COL4A5: variants seen among roughly 807,000 people sequenced by gnomAD.
COL4A5 encodes collagen alpha-5(IV) chain.
Under a neutral mutation model 130.2 loss-of-function variants are expected in COL4A5, and 26 were observed. The ratio of observed to expected loss-of-function variants is 0.20; its 90% CI spans 0.15 to 0.28. The LOEUF (loss-of-function observed/expected upper bound fraction) is 0.28, where lower values mean the gene tolerates loss of function less well. Ranked by LOEUF, COL4A5 falls within the 10% of genes least tolerant of loss-of-function variation. COL4A5 has a pLI of 1.00. For synonymous variants in COL4A5, 496 were observed against 439.6 expected, an observed-to-expected ratio of 1.13 and a Z score of -1.60; for missense variants, 1,131 against 1,344.3, an observed-to-expected ratio of 0.84 and a Z score of 2.48.
At chrX:108,508,731 G>A (rs2065151908) in intron 1 of COL4A5, among the ~76,000 whole-genome samples, 1 of 110,607 alleles carries the variant, frequency 9.0e-6, no homozygotes, top group African/African-American at 3.3e-5. Context: ...TAGACCAATG[G>A]AACATAATAG....
At chrX:108,458,347 G>T (rs1334993331) in intron 1 of COL4A5, among the ~76,000 whole-genome samples, 1 of 111,262 alleles carries the variant, frequency 9.0e-6, no homozygotes, top group Non-Finnish European at 1.9e-5. Flanking sequence ...TTGTTTTGTA[G>T]GTCTGTTTTG....
chrX:108,477,563 C>T (rs986429142), intron 1 of COL4A5, among the ~76,000 whole-genome samples: 1 of 110,824 alleles, frequency 9.0e-6, no homozygotes. Context: ...CCTGTAATCC[C>T]AGCACTTTGG....
intron 29 of COL4A5, among the ~76,000 whole-genome samples, chrX:108,610,311 G>A (rs910282271): frequency 9.0e-6 from 1 of 111,389 alleles, no homozygotes; most frequent in African/African-American, 3.3e-5. Context: ...GAACATGTTG[G>A]ATTGATTTCT....
At chrX:108,651,692 T>G (rs2067732716) in intron 36 of COL4A5, among the ~76,000 whole-genome samples, 1 of 111,967 alleles carries the variant, frequency 8.9e-6, no homozygotes, top group South Asian at 3.7e-4. Flanking sequence ...ATGCCTATCT[T>G]GCATGGTAAA....
intron 1 of COL4A5, among the ~76,000 whole-genome samples, chrX:108,488,033 A>G (rs878884361): frequency 8.0e-5 from 9 of 112,423 alleles, no homozygotes; most frequent in African/African-American, 2.3e-4. Flanking sequence ...ATTTTTGATT[A>G]GGTAACACAT....
At chrX:108,690,073 T>A (rs1377416071) in intron 49 of COL4A5, 7 of 701,994 alleles carry the variant, frequency 1.0e-5, no homozygotes, top group Non-Finnish European at 1.0e-5. Context: ...TAGGTTTTTT[T>A]AAATTACTTT....
intron 1 of COL4A5, among the ~76,000 whole-genome samples, chrX:108,501,244 T>G (rs905047416): frequency 3.6e-5 from 4 of 111,767 alleles, no homozygotes; most frequent in Non-Finnish European, 7.5e-5. Flanking sequence ...TGTATAAGGC[T>G]GACTTGTTCC....
intron 1 of COL4A5, among the ~76,000 whole-genome samples, chrX:108,455,720 T>C (rs1420666276): frequency 8.9e-6 from 1 of 112,303 alleles, no homozygotes; most frequent in Non-Finnish European, 1.9e-5. Flanking sequence ...TCCAGTATTG[T>C]GTATTTAAAA....
rs3747407 is a variant in COL4A5 at position 108,440,334 on chromosome X, T to C, written c.81+128T>C. The C allele has an allele frequency of 0.041, 20,742 of 502,298 alleles. 1,954 individuals are homozygous for C. The highest frequency in any genetic ancestry group is 0.33 in the African/African-American group (13,543 of 40,882). 41.4% of individuals were successfully genotyped at this position (502,298 alleles called of 1,213,427 possible). A position where few individuals can be genotyped will look rare whatever the true frequency, so the allele number is the denominator to read the frequency against. Reference sequence around the variant, plus strand: ...TAGGGAATTCAAATTTGCTTTCTCATGTTTAGGAAGAAACGTTATTTGCAA... The same window carrying C: ...TAGGGAATTCAAATTTGCTTTCTCACGTTTAGGAAGAAACGTTATTTGCAA... On this transcript the variant is annotated intron_variant, in intron 1 of 52. Transcript: ENST00000328300.
chrX:108,485,202 G>T (rs917897712), intron 1 of COL4A5, among the ~76,000 whole-genome samples: 1 of 111,750 alleles, frequency 8.9e-6, no homozygotes, highest in Admixed American at 9.4e-5. Flanking sequence ...AGGGCAGTGG[G>T]CTCCCCATTG....
chrX:108,674,177 A>G (rs1262572258), intron 42 of COL4A5, among the ~76,000 whole-genome samples: 1 of 111,513 alleles, frequency 9.0e-6, no homozygotes, highest in Non-Finnish European at 1.9e-5. Flanking sequence ...GCCATCGTAT[A>G]TTCATGTTTT....
At chrX:108,455,457 A>G (rs1185781410) in intron 1 of COL4A5, among the ~76,000 whole-genome samples, 1 of 112,254 alleles carries the variant, frequency 8.9e-6, no homozygotes, top group African/African-American at 3.2e-5. Context: ...GAACAGCTCA[A>G]TTATTACTTA....
Position 108,625,949 on chromosome X carries a change from T to G in COL4A5, c.3106+155T>G, listed in dbSNP as rs3761614. Among the ~76,000 whole-genome samples the G allele has an allele frequency of 1.1e-4, 12 of 112,042 alleles. No homozygotes were observed. The East Asian group carries it at 3.4e-3, about 32-fold the overall frequency. On this transcript the variant is annotated intron_variant, in intron 35 of 52. Coordinates refer to ENST00000328300, the MANE Select transcript of COL4A5 (RefSeq NM_033380.3). ...TAGTGTTCTCTTGTTACACAAATAT[T>G]TAAAATGGGAATTAAGGGACAAAAT...
intron 28 of COL4A5, among the ~76,000 whole-genome samples, chrX:108,604,940 C>T (rs1429747287): frequency 8.9e-6 from 1 of 112,135 alleles, no homozygotes; most frequent in Non-Finnish European, 1.9e-5. Context: ...CTTCACCTCT[C>T]AGTCTTCAGA....
At chrX:108,664,151 A>G (rs1603309016) in intron 37 of COL4A5, among the ~76,000 whole-genome samples, 1 of 111,866 alleles carries the variant, frequency 8.9e-6, no homozygotes. Flanking sequence ...CGCCACCGCA[A>G]TCCAGCCTGG....
intron 18 of COL4A5, among the ~76,000 whole-genome samples, chrX:108,585,252 T>G (rs1400215825): frequency 8.9e-6 from 1 of 112,299 alleles, no homozygotes; most frequent in Non-Finnish European, 1.9e-5. Context: ...GTTGGAAAAC[T>G]TATGTGTCCA....
At chrX:108,544,264 T>C (rs1177773496) in intron 2 of COL4A5, among the ~76,000 whole-genome samples, 5 of 112,073 alleles carry the variant, frequency 4.5e-5, no homozygotes, top group Non-Finnish European at 9.4e-5. Context: ...ATAGCTCTTA[T>C]TATTTTGAGA....
Position 108,575,967 on chromosome X carries a change from T to G in COL4A5, c.604T>G (p.Leu202Val). ...AATTGGTCCCCCAGGACCACCAGGT[T>G]TGATGGTAAGCTCTCTTCTTTAATT... ...GPIGPPGPPG[L>V]MGPPGPPGLP... The change falls in exon 10 of 53, where the codon TTG becomes GTG. Residue 202 changes from leucine (L) to valine (V), a missense_variant. Transcript: ENST00000328300. 1 of 1,167,380 alleles carries G rather than the reference T, an allele frequency of 8.6e-7. No homozygotes were observed. Among genetic ancestry groups the G allele is most frequent in the Non-Finnish European group, 1.2e-6 (1 of 857,418 alleles).
chrX:108,464,971 T>C (rs748840703), intron 1 of COL4A5, among the ~76,000 whole-genome samples: 1 of 112,161 alleles, frequency 8.9e-6, no homozygotes, highest in Non-Finnish European at 1.9e-5. Flanking sequence ...AATTTAATGA[T>C]TGACAAATGT....
Sources: gnomAD v4.1 joint callset for allele counts (sites outside exome capture counted in the v4.1 genomes callset) on GRCh38, gnomAD v4.1.1 for gene constraint, MANE v1.5 for transcripts, NCBI Gene and HGNC (gene_info 2026-07-23, HGNC 2026-07-21) for gene names.